Variants in ITGA11 observed in about 807,000 individuals in gnomAD.
ITGA11 encodes the protein integrin subunit alpha 11, also known as integrin alpha-11.
A neutral mutation model predicts 141.9 loss-of-function variants in ITGA11; 97 were observed. The ratio of observed to expected loss-of-function variants is 0.68; its 90% confidence interval spans 0.58 to 0.81. The LOEUF (loss-of-function observed/expected upper bound fraction) is 0.81. ITGA11 is among the 30% of genes least tolerant of loss of function. The pLI, the probability that ITGA11 is intolerant of heterozygous loss-of-function variation, is 0.00. For missense variants in ITGA11, 1,387 were observed against 1,559.2 expected, an observed-to-expected ratio of 0.89 and a Z score of 1.86; for synonymous variants, 658 against 624.6, an observed-to-expected ratio of 1.05 and a Z score of -0.80.
At chr15:68,416,758 T>C (rs1045953182) in intron 1 of ITGA11, among the ~76,000 whole-genome samples, 7 of 152,128 alleles carry the variant, frequency 4.6e-5, no homozygotes, top group Non-Finnish European at 8.8e-5. Flanking sequence ...TCTACTAAAA[T>C]ACAAAAAATT....
rs1030710351 is a variant in ITGA11 at position 68,305,117 on chromosome 15, C to G, written c.3382-1232G>C. Among the ~76,000 whole-genome samples, 2 of 152,248 alleles carry G rather than the reference C, an allele frequency of 1.3e-5. No homozygotes were observed. Among genetic ancestry groups the G allele is most frequent in the Non-Finnish European group, 2.9e-5 (2 of 68,038 alleles). Reference sequence around the variant, plus strand: ...GTCCCACCTGTCTTGCTGACCTCACCTCCTGCTCCCTCTTGCTTTACTCCA... The same window carrying G: ...GTCCCACCTGTCTTGCTGACCTCACGTCCTGCTCCCTCTTGCTTTACTCCA... On this transcript the variant is annotated intron_variant, in intron 28 of 29. Transcript: ENST00000315757. The surrounding 1 kb of genome is among the most constrained non-coding windows in gnomAD (Gnocchi z 4.6).
intron 20 of ITGA11, among the ~76,000 whole-genome samples, chr15:68,318,656 C>T (rs1392851198): frequency 6.6e-6 from 1 of 152,084 alleles, no homozygotes; most frequent in African/African-American, 2.4e-5. Flanking sequence ...TCCTCGCTTT[C>T]CTGGGGTGGC....
chr15:68,335,852 C>G lies in ITGA11; in HGVS notation c.1277-7G>C. ...ACCGATGTGACTGTGTACCCTGCCA[C>G]AGGAGGAAACAGGCTGATCTTTGGC... On this transcript the variant is annotated splice_polypyrimidine_tract_variant and splice_region_variant and intron_variant, in intron 11 of 29. Transcript: ENST00000315757. The surrounding 1 kb of genome is among the most constrained non-coding windows in gnomAD (Gnocchi z 4.9). 1 of 1,611,442 alleles carries G rather than the reference C, an allele frequency of 6.2e-7. No homozygotes were observed. The highest frequency in any genetic ancestry group is 8.5e-7 in the Non-Finnish European group (1 of 1,178,800).
intron 1 of ITGA11, among the ~76,000 whole-genome samples, chr15:68,408,083 G>A (rs1223425795): frequency 1.3e-5 from 2 of 152,194 alleles, no homozygotes; most frequent in Non-Finnish European, 2.9e-5. Context: ...GCCTAGCCTT[G>A]TCTTGTGTGA....
At chr15:68,408,631 A>T (rs1481129122) in intron 1 of ITGA11, among the ~76,000 whole-genome samples, 2 of 152,084 alleles carry the variant, frequency 1.3e-5, no homozygotes, top group Non-Finnish European at 2.9e-5. Flanking sequence ...GTGCTCAGGA[A>T]GCTTCTGGAG....
At chr15:68,372,514 A>G (rs12443350) in intron 2 of ITGA11, among the ~76,000 whole-genome samples, 115,653 of 152,148 alleles carry the variant, frequency 0.76, 44,383 homozygotes, top group East Asian at 0.88. Context: ...GCGGGCTCCC[A>G]GCATTCTTCC....
intron 12 of ITGA11, among the ~76,000 whole-genome samples, chr15:68,334,213 T>C (rs191234708): frequency 5.6e-4 from 86 of 152,340 alleles, no homozygotes; most frequent in African/African-American, 2.0e-3. Flanking sequence ...TTAATGCTTA[T>C]TGGATCACTG....
Position 68,432,075 on chromosome 15 carries a change from G to A in ITGA11, c.-9C>T. ...CCCCTGGGCAGGTCCATGGCCCGCG[G>A]CACGGCGGCTGGGTCCGGTGTGCAG... On this transcript the variant is annotated 5_prime_UTR_variant, in exon 1 of 30. Coordinates refer to ENST00000315757, the MANE Select transcript of ITGA11 (RefSeq NM_001004439.2). 1 of 1,368,516 alleles carries A rather than the reference G, an allele frequency of 7.3e-7. No homozygotes were observed. The highest frequency in any genetic ancestry group is 2.0e-5 in the South Asian group (1 of 49,738). The allele number at this position is 1,368,516 out of a possible 1,614,324, so 84.8% of individuals were successfully genotyped here.
At chr15:68,370,926 C>G (rs906685139) in intron 2 of ITGA11, among the ~76,000 whole-genome samples, 4 of 152,180 alleles carry the variant, frequency 2.6e-5, no homozygotes, top group African/African-American at 9.7e-5. Flanking sequence ...GCTCTCCCTG[C>G]CCCGGTCCAC....
intron 3 of ITGA11, among the ~76,000 whole-genome samples, chr15:68,367,226 C>G (rs1895450375): frequency 6.6e-6 from 1 of 152,052 alleles, no homozygotes; most frequent in Admixed American, 6.5e-5. Flanking sequence ...AAATGGGGTC[C>G]ACATTGCAAC....
At chr15:68,358,403 G>C in intron 6 of ITGA11, 55 bp downstream of exon 6, 1 of 1,539,032 alleles carries the variant, frequency 6.5e-7, no homozygotes, top group Non-Finnish European at 8.7e-7. Flanking sequence ...GGCAGCACCT[G>C]CCATGGGTTT....
At chr15:68,347,899 G>A (rs895833108) in intron 10 of ITGA11, among the ~76,000 whole-genome samples, 30 of 132,268 alleles carry the variant, frequency 2.3e-4, no homozygotes, top group African/African-American at 8.9e-4. Flanking sequence ...CTCTCATGGT[G>A]CCAGCCCAGG....
chr15:68,428,756 T>C (rs74022230), intron 1 of ITGA11, among the ~76,000 whole-genome samples: 10,639 of 152,232 alleles, frequency 0.07, 423 homozygotes, highest in Middle Eastern at 0.11. Flanking sequence ...GTAGGACCCC[T>C]ACCCACAAGG....
rs1893035708 is a variant in ITGA11, at chr15:68,301,871, G to A, written c.*1188C>T. 6.6e-6 allele frequency: 1 copy of A among 152,600 alleles called. No homozygotes were observed. Among genetic ancestry groups the A allele is most frequent in the Non-Finnish European group, 1.5e-5 (1 of 68,050 alleles). The allele number at this position is 152,600 out of a possible 1,614,324, so 9.5% of individuals were successfully genotyped here. On this transcript the variant is annotated 3_prime_UTR_variant, in exon 30 of 30. Coordinates refer to ENST00000315757, the MANE Select transcript of ITGA11 (RefSeq NM_001004439.2). This position sits in a 1 kb window ranked among gnomAD's most constrained non-coding sequence, Gnocchi z 4.4. ...CGCCAGGCACGCCCCTTGTCCTTGG[G>A]GCATTATCACTGGTCATACCACTTG...
Position 68,320,298 on chromosome 15 carries a change from G to T in ITGA11, c.2503C>A (p.Arg835Ser), listed in dbSNP as rs756551047. ...GTGGCCTCCACCGCCACTCGCTGGCGTGTGCTCTCTATGATGAAGACTGTG... is the reference window on the plus strand; with the variant it reads ...GTGGCCTCCACCGCCACTCGCTGGCTTGTGCTCTCTATGATGAAGACTGTG... ...DTTVFIIEST[R>S]QRVAVEATLE... Residue 835 changes from arginine (R) to serine (S), a missense_variant, in exon 20 of 30, where the codon CGC becomes AGC. By Grantham distance (110) the Arg-to-Ser change is moderately radical. Coordinates refer to ENST00000315757, the MANE Select transcript of ITGA11 (RefSeq NM_001004439.2). 3.1e-6 allele frequency: 5 copies of T among 1,613,982 alleles called. No homozygotes were observed. The highest frequency in any genetic ancestry group is 2.2e-5 in the East Asian group (1 of 44,888).
rs556441292 is a variant in ITGA11, at chr15:68,328,455, G to C, written c.1902-193C>G. On this transcript the variant is annotated intron_variant, in intron 15 of 29. Transcript: ENST00000315757. The surrounding 1 kb of genome is among the most constrained non-coding windows in gnomAD (Gnocchi z 4.8). ...TCAAAGGACTGGCAAGAGCGAGCAC[G>C]GGGCGAAAGGGGCTCAGCCACCTCA... Among the ~76,000 whole-genome samples the C allele has an allele frequency of 1.3e-5, 2 of 152,146 alleles. No homozygotes were observed. The highest frequency in any genetic ancestry group is 3.9e-4 in the East Asian group (2 of 5,186).
At chr15:68,396,203 T>C in intron 2 of ITGA11, among the ~76,000 whole-genome samples, 1 of 152,016 alleles carries the variant, frequency 6.6e-6, no homozygotes, top group Non-Finnish European at 1.5e-5. Flanking sequence ...CAAATGAGGT[T>C]TATCCCAGGA....
In ITGA11 at chr15:68,300,711, A is replaced by C. The variant is rs969878550; in HGVS notation, c.*2348T>G. 4.9e-5 allele frequency: 6 copies of C among 121,780 alleles called. No homozygotes were observed. The highest frequency in any genetic ancestry group is 1.7e-4 in the African/African-American group (5 of 29,956). The allele number at this position is 121,780 out of a possible 1,614,324, so 7.5% of individuals were successfully genotyped here. A position where few individuals can be genotyped will look rare whatever the true frequency, so the allele number is the denominator to read the frequency against. On this transcript the variant is annotated 3_prime_UTR_variant, in exon 30 of 30. Coordinates refer to ENST00000315757, the MANE Select transcript of ITGA11 (RefSeq NM_001004439.2). ...GTTGGTCTTGGTGTAGGTCTGGGGA[A>C]GGGTGTGAAGGACTGTGGAGTTCTG...
chr15:68,393,243 G>A (rs1013471796), intron 2 of ITGA11, among the ~76,000 whole-genome samples: 4 of 152,070 alleles, frequency 2.6e-5, no homozygotes, highest in Admixed American at 2.0e-4. Context: ...GAAATATGGC[G>A]AGAAGGCCTA....
Sources: allele counts gnomAD v4.1 joint callset (sites outside exome capture counted in the v4.1 genomes callset), GRCh38; gene constraint gnomAD v4.1.1; non-coding constraint Gnocchi (gnomAD v3.1); transcripts MANE v1.5; gene names NCBI Gene and HGNC (gene_info 2026-07-23, HGNC 2026-07-21).